The following PLEKHG7 variants were observed in gnomAD, a reference collection of about 807,000 sequenced individuals.
PLEKHG7 encodes the protein pleckstrin homology and RhoGEF domain containing G7, also known as pleckstrin homology domain-containing family G member 7.
A neutral mutation model predicts 85.2 loss-of-function variants in PLEKHG7; 77 were observed. The ratio of observed to expected loss-of-function variants is 0.90; its 90% CI spans 0.75 to 1.09. The LOEUF (loss-of-function observed/expected upper bound fraction) is 1.09. Among genes scored for constraint, PLEKHG7 ranks in the 50% least tolerant of loss-of-function variants. The pLI is 0.00. For missense variants in PLEKHG7, 777 were observed against 804.3 expected (o/e 0.97, Z 0.41); for synonymous variants, 301 against 302.4 (o/e 1.00, Z 0.05).
chr12:92,710,175 C>T (rs1871340079), intron 3 of PLEKHG7, among the ~76,000 whole-genome samples: 1 of 152,138 alleles, frequency 6.6e-6, no homozygotes, highest in Admixed American at 6.5e-5. Context: ...ATTCCTGAAC[C>T]TGTGAATCCT....
intron 3 of PLEKHG7, among the ~76,000 whole-genome samples, chr12:92,710,747 C>A (rs1871352891): frequency 6.6e-6 from 1 of 152,174 alleles, no homozygotes. Context: ...AGTGGAAGTC[C>A]ACTTTACTGA....
intron 1 of PLEKHG7, among the ~76,000 whole-genome samples, chr12:92,704,162 T>C (rs1336786337): frequency 6.6e-6 from 1 of 152,056 alleles, no homozygotes; most frequent in Non-Finnish European, 1.5e-5. Context: ...TCAGGAGCAC[T>C]GCAGCATGAG....
At chr12:92,737,277 G>A in intron 6 of PLEKHG7, 101 bp from the exon 7 acceptor site, 4 of 1,037,990 alleles carry the variant, frequency 3.9e-6, no homozygotes, top group Non-Finnish European at 3.7e-6. Context: ...ATGATTTCGG[G>A]GGTTGCTTGG....
chr12:92,747,452 C>A (rs1159209819), intron 10 of PLEKHG7, among the ~76,000 whole-genome samples: 1 of 152,188 alleles, frequency 6.6e-6, no homozygotes, highest in African/African-American at 2.4e-5. Flanking sequence ...CTTTTGTACA[C>A]TGTTGGCAGG....
intron 9 of PLEKHG7, among the ~76,000 whole-genome samples, chr12:92,742,462 A>G (rs2136606575): frequency 6.6e-6 from 1 of 152,192 alleles, no homozygotes; most frequent in East Asian, 1.9e-4. Context: ...TCCTGGGGAT[A>G]TGATGCTTGA....
intron 6 of PLEKHG7, among the ~76,000 whole-genome samples, 156 bp downstream of exon 6, chr12:92,736,733 G>A (rs564077011): frequency 6.6e-6 from 1 of 152,264 alleles, no homozygotes; most frequent in South Asian, 2.1e-4. Flanking sequence ...AGCAGGGCCT[G>A]CTCTCCTCAA....
chr12:92,725,535 G>A (rs377158695), intron 3 of PLEKHG7, among the ~76,000 whole-genome samples: 9 of 152,270 alleles, frequency 5.9e-5, no homozygotes, highest in African/African-American at 2.2e-4. Context: ...TGATCTGGTG[G>A]AGACATGGAG....
intron 5 of PLEKHG7, among the ~76,000 whole-genome samples, chr12:92,733,190 G>T (rs978382761): frequency 2.0e-5 from 3 of 152,084 alleles, no homozygotes; most frequent in Non-Finnish European, 4.4e-5. Flanking sequence ...TTGGCCAAAT[G>T]GATTACTCTC....
chr12:92,753,053 T>C (rs11106693), intron 10 of PLEKHG7, among the ~76,000 whole-genome samples: 1 of 152,016 alleles, frequency 6.6e-6, no homozygotes. Flanking sequence ...AAGGTTAGGA[T>C]TTTATTAGGT....
Position 92,707,067 on chromosome 12 carries a change from C to T in PLEKHG7, c.436C>T (p.His146Tyr). The change falls in exon 2 of 17, where the codon CAC becomes TAC. Residue 146 changes from histidine (H) to tyrosine (Y), a missense_variant. Transcript: ENST00000344636. ...ELQPVNEGSL[H>Y]QASLRQQEGH... Reference sequence around the variant, plus strand: ...TCAGCCTGTCAATGAAGGGTCCCTTCACCAGGCCTCTCTTCGGCAGCAAGA... The same window carrying T: ...TCAGCCTGTCAATGAAGGGTCCCTTTACCAGGCCTCTCTTCGGCAGCAAGA... 1.9e-6 allele frequency: 3 copies of T among 1,614,174 alleles called. No homozygotes were observed. Among genetic ancestry groups the T allele is most frequent in the Non-Finnish European group, 1.7e-6 (2 of 1,180,028 alleles).
intron 3 of PLEKHG7, among the ~76,000 whole-genome samples, chr12:92,718,006 C>A (rs564328818): frequency 5.3e-5 from 8 of 152,286 alleles, no homozygotes; most frequent in African/African-American, 1.9e-4. Context: ...TTTTCTAACC[C>A]CAGAGCTAAA....
rs1871870235 is a variant in PLEKHG7 at position 92,727,966 on chromosome 12, A to ATATG, written c.531-1024_531-1023insGTAT. On this transcript the variant is annotated intron_variant, in intron 3 of 16. Coordinates refer to ENST00000344636, the MANE Select transcript of PLEKHG7 (RefSeq NM_001377329.1). ...TGTGTGTGTGTGTGTGTGTGTGTAT[A>ATATG]TATATATATACACATATATACACAC... is the stretch of plus-strand genomic sequence containing the variant. 1.9e-5 allele frequency among the ~76,000 whole-genome samples: 2 copies of ATATG among 104,592 alleles called. 1 individual carries two copies. Among genetic ancestry groups the ATATG allele is most frequent in the Admixed American group, 2.3e-4 (2 of 8,824 alleles). 68.6% of individuals were successfully genotyped at this position (104,592 alleles called of 152,430 possible). A position where few individuals can be genotyped will look rare whatever the true frequency, so the allele number is the denominator to read the frequency against.
intron 15 of PLEKHG7, 126 bp from the exon 16 acceptor site, chr12:92,768,857 C>A (rs1171092928): frequency 1.0e-5 from 6 of 601,202 alleles, no homozygotes; most frequent in Non-Finnish European, 1.4e-5. Flanking sequence ...GCTAGATAAA[C>A]CTCCCACCCT....
At chr12:92,713,439 C>T (rs1871403023) in intron 3 of PLEKHG7, among the ~76,000 whole-genome samples, 2 of 152,326 alleles carry the variant, frequency 1.3e-5, no homozygotes, top group South Asian at 4.1e-4. Context: ...CGCTTTGCCT[C>T]TTCCGTCCAT....
chr12:92,723,680 A>G (rs908148960), intron 3 of PLEKHG7, among the ~76,000 whole-genome samples: 2 of 152,190 alleles, frequency 1.3e-5, no homozygotes, highest in African/African-American at 2.4e-5. Flanking sequence ...GAGGTTACTC[A>G]AGTTGTTCAA....
At chr12:92,727,962 G>GTGTGTGTATATA (rs760170614) in intron 3 of PLEKHG7, among the ~76,000 whole-genome samples, 1 of 96,546 alleles carries the variant, frequency 1.0e-5, no homozygotes, top group African/African-American at 4.1e-5. Flanking sequence ...GTGTGTGTGT[G>GTGTGTGTATATA]TATATATATA....
In PLEKHG7 at chr12:92,727,679, TC is replaced by T. The variant is rs1407585085; in HGVS notation, c.531-1312del. On this transcript the variant is annotated intron_variant, in intron 3 of 16. Coordinates refer to ENST00000344636, the MANE Select transcript of PLEKHG7 (RefSeq NM_001377329.1). ...ATCTTGGCTCACTGCAACCTCCACC[TC>T]CAGGTTCAAGCGATTCTCCTGCCTC... Among the ~76,000 whole-genome samples the T allele has an allele frequency of 2.6e-5, 4 of 151,954 alleles. No individual in the cohort carries two copies. In the East Asian group the frequency reaches 7.8e-4, roughly 29 times the overall value.
At chr12:92,755,434 A>T (rs1872798608) in intron 11 of PLEKHG7, among the ~76,000 whole-genome samples, 1 of 152,230 alleles carries the variant, frequency 6.6e-6, no homozygotes, top group Admixed American at 6.5e-5. Flanking sequence ...CATGAAGTGA[A>T]TATATACTTT....
Position 92,740,839 on chromosome 12 carries a change from T to A in PLEKHG7, c.940-14T>A. On this transcript the variant is annotated splice_polypyrimidine_tract_variant and intron_variant, in intron 7 of 16. Coordinates refer to ENST00000344636, the MANE Select transcript of PLEKHG7 (RefSeq NM_001377329.1). ...AAAACAGAAATTAATGTGTATATAT[T>A]TTTTATTTCAAAGATCTTTATGAAT... 1 of 1,548,376 alleles carries A rather than the reference T, an allele frequency of 6.5e-7. No individual in the cohort carries two copies. The highest frequency in any genetic ancestry group is 8.9e-7 in the Non-Finnish European group (1 of 1,128,374).
Sources: allele counts gnomAD v4.1 joint callset (sites outside exome capture counted in the v4.1 genomes callset), GRCh38; gene constraint gnomAD v4.1.1; transcripts MANE v1.5; gene names NCBI Gene and HGNC (gene_info 2026-07-23, HGNC 2026-07-21).